Variants in SLC1A3 observed in about 807,000 individuals in gnomAD.
SLC1A3 encodes excitatory amino acid transporter 1.
In SLC1A3, 21 loss-of-function variants were observed where a neutral mutation model predicts 48.1. That is an observed-to-expected ratio of 0.44 (90% CI 0.31 to 0.63). The LOEUF is 0.63. Among genes scored for constraint, SLC1A3 ranks in the 20% least tolerant of loss-of-function variants. SLC1A3 has a pLI of 0.08. For synonymous variants in SLC1A3, 239 were observed against 251.4 expected (o/e 0.95, Z 0.47); for missense variants, 546 against 689.0 (o/e 0.79, Z 2.32).
At chr5:36,674,591 C>T (rs2111945883) in intron 5 of SLC1A3, among the ~76,000 whole-genome samples, 1 of 151,960 alleles carries the variant, frequency 6.6e-6, no homozygotes, top group South Asian at 2.1e-4. Context: ...CATGGAAATC[C>T]TGCTATATGC....
At chr5:36,602,572 CAT>C (rs1282840298), upstream of SLC1A3, among the ~76,000 whole-genome samples, 2 of 152,298 alleles carry the variant, frequency 1.3e-5, no homozygotes, top group South Asian at 2.1e-4. Flanking sequence ...ATAACAATAA[CAT>C]GTGTGAAGCC....
At chr5:36,645,348 T>C (rs982625505) in intron 3 of SLC1A3, among the ~76,000 whole-genome samples, 9 of 123,102 alleles carry the variant, frequency 7.3e-5, no homozygotes, top group South Asian at 2.8e-4. Flanking sequence ...TTTTTTTTTT[T>C]GATAGAGTCT....
At chr5:36,625,553 A>G (rs1452932200) in intron 2 of SLC1A3, among the ~76,000 whole-genome samples, 1 of 152,224 alleles carries the variant, frequency 6.6e-6, no homozygotes, top group Non-Finnish European at 1.5e-5. Flanking sequence ...GTAAGGGCTC[A>G]ATAAATTTTC....
intron 3 of SLC1A3, chr5:36,635,918 CAT>C (rs999952748): frequency 1.3e-5 from 2 of 152,110 alleles, no homozygotes; most frequent in Admixed American, 6.6e-5. Context: ...TAATCACAAA[CAT>C]GTGGGAAGGG....
rs1025439871 is a variant in SLC1A3 at position 36,626,504 on chromosome 5, A to G, written c.182-2946A>G. On this transcript the variant is annotated intron_variant, in intron 2 of 9. Transcript: ENST00000265113. The stretch of plus-strand genomic sequence containing the variant: ...GGTCTTCAACTGTTGTTTGCAGAAT[A>G]TCTAAAACTCGTGACAGCTTGATAC... 8.5e-5 allele frequency among the ~76,000 whole-genome samples: 13 copies of G among 152,364 alleles called. No homozygotes were observed. The East Asian group carries it at 1.7e-3, about 20-fold the overall frequency.
chr5:36,629,724 A>C, intron 3 of SLC1A3, 137 bp downstream of exon 3: 1 of 790,204 alleles, frequency 1.3e-6, no homozygotes, highest in Non-Finnish European at 2.2e-6. Context: ...TCCCTTCAAA[A>C]TGATGGAAAG....
intron 2 of SLC1A3, among the ~76,000 whole-genome samples, chr5:36,612,369 C>G (rs1739237982): frequency 6.6e-6 from 1 of 152,096 alleles, no homozygotes; most frequent in Admixed American, 6.6e-5. Context: ...TCACTTGAGC[C>G]AGGAGTTCAA....
intron 2 of SLC1A3, among the ~76,000 whole-genome samples, chr5:36,622,273 T>C (rs936670399): frequency 6.6e-6 from 1 of 152,232 alleles, no homozygotes; most frequent in Non-Finnish European, 1.5e-5. Flanking sequence ...ATTGTCTCTA[T>C]TGCTTTGAGA....
chr5:36,641,326 T>C (rs763962721), intron 3 of SLC1A3, among the ~76,000 whole-genome samples: 1 of 152,138 alleles, frequency 6.6e-6, no homozygotes, highest in East Asian at 1.9e-4. Flanking sequence ...TAATTCTTTT[T>C]AAGTTTATAA....
chr5:36,603,225 T>C (rs928990276), upstream of SLC1A3, among the ~76,000 whole-genome samples: 12 of 152,240 alleles, frequency 7.9e-5, no homozygotes, highest in Non-Finnish European at 1.8e-4. Flanking sequence ...ATGGCTGCTA[T>C]GGGCAGGCAC....
intron 2 of SLC1A3, among the ~76,000 whole-genome samples, chr5:36,626,680 C>T (rs1186647616): frequency 6.6e-6 from 1 of 152,118 alleles, no homozygotes. Context: ...GGAAGTAAAG[C>T]AAAATGTTTG....
At chr5:36,652,835 A>G (rs1741138387) in intron 3 of SLC1A3, among the ~76,000 whole-genome samples, 1 of 152,182 alleles carries the variant, frequency 6.6e-6, no homozygotes, top group Non-Finnish European at 1.5e-5. Flanking sequence ...TAAAGTTAAT[A>G]CCTCTAAAAA....
At chr5:36,606,275 T>C (rs1299564469), upstream of SLC1A3, 1 of 152,216 alleles carries the variant, frequency 6.6e-6, no homozygotes, top group Non-Finnish European at 1.5e-5. Flanking sequence ...AAACATGCAA[T>C]AATGTGAGGT....
Position 36,608,597 on chromosome 5 carries a change from C to T in SLC1A3, c.174C>T (p.Val58=). 1 of 1,612,060 alleles carries T rather than the reference C, an allele frequency of 6.2e-7. No homozygotes were observed. Among genetic ancestry groups the T allele is most frequent in the Non-Finnish European group, 8.5e-7 (1 of 1,179,616 alleles). Residue 58 remains valine (V), a synonymous_variant, in exon 2 of 10, where the codon GTC becomes GTT. Transcript: ENST00000265113. ...NAFVLLTVTA[V]IVGTILGFTL... is the part of the protein sequence containing the mutation. The stretch of plus-strand genomic sequence containing the variant: ...TTGTGCTGCTCACAGTCACCGCTGT[C>T]ATTGTGGGTGAGTCATTTGATTAAA...
At chr5:36,672,047 G>A (rs1000086265) in intron 4 of SLC1A3, among the ~76,000 whole-genome samples, 4 of 152,148 alleles carry the variant, frequency 2.6e-5, no homozygotes, top group African/African-American at 4.8e-5. Context: ...ACCTACAAAC[G>A]ATGGTAAGGC....
chr5:36,607,574 C>G (rs1160207537), intron 1 of SLC1A3, among the ~76,000 whole-genome samples: 1 of 152,186 alleles, frequency 6.6e-6, no homozygotes, highest in Non-Finnish European at 1.5e-5. Flanking sequence ...ATAGTTTCCT[C>G]GGAAGATTCC....
At chr5:36,602,907 A>G (rs1485159327), upstream of SLC1A3, among the ~76,000 whole-genome samples, 1 of 152,224 alleles carries the variant, frequency 6.6e-6, no homozygotes, top group Non-Finnish European at 1.5e-5. Context: ...CACTCCACCT[A>G]CAGGAGGCAG....
chr5:36,682,273 T>C (rs1210369130), intron 8 of SLC1A3, among the ~76,000 whole-genome samples: 1 of 152,232 alleles, frequency 6.6e-6, no homozygotes, highest in East Asian at 1.9e-4. Flanking sequence ...TTTGTTGTTA[T>C]GTTTATTTAG....
chr5:36,686,499 C>T lies in SLC1A3; in HGVS notation c.*230C>T, dbSNP rs61420944. The stretch of plus-strand genomic sequence containing the variant: ...TTAAATCATTTCATGTTAGTCTTAC[C>T]GAATAAGGTACCAAGATCACAAATA... On this transcript the variant is annotated 3_prime_UTR_variant, in exon 10 of 10. Transcript: ENST00000265113. The T allele has an allele frequency of 0.018, 9,830 of 546,812 alleles. 701 individuals carry two copies. Among genetic ancestry groups the T allele is most frequent in the African/African-American group, 0.16 (8,263 of 52,838 alleles). The allele number at this position is 546,812 out of a possible 1,614,324, so 33.9% of individuals were successfully genotyped here.
Sources: allele counts gnomAD v4.1 joint callset (sites outside exome capture counted in the v4.1 genomes callset), GRCh38; gene constraint gnomAD v4.1.1; transcripts MANE v1.5; gene names NCBI Gene and HGNC (gene_info 2026-07-23, HGNC 2026-07-21).